Variants in CSGALNACT1 observed in about 807,000 individuals in gnomAD.
CSGALNACT1 encodes the protein chondroitin sulfate N-acetylgalactosaminyltransferase 1.
In CSGALNACT1, 52 loss-of-function variants were observed where a neutral mutation model predicts 51.0. The ratio of observed to expected loss-of-function variants is 1.02; its 90% CI spans 0.82 to 1.29. The LOEUF (loss-of-function observed/expected upper bound fraction) is 1.29, where lower values mean the gene tolerates loss of function less well. CSGALNACT1 is among the 50% of genes most tolerant of loss of function. The pLI is 0.00. For missense variants in CSGALNACT1, 935 were observed against 679.2 expected (o/e 1.38, Z -4.19); for synonymous variants, 341 against 254.4 (o/e 1.34, Z -3.24).
chr8:19,612,789 C>G (rs564371316), intron 1 of CSGALNACT1, among the ~76,000 whole-genome samples: 2 of 151,854 alleles, frequency 1.3e-5, no homozygotes, highest in African/African-American at 4.8e-5. Context: ...TCTCTTTGCA[C>G]TAAAAACACA....
intron 5 of CSGALNACT1, among the ~76,000 whole-genome samples, chr8:19,442,683 A>T (rs2061512726): frequency 6.7e-6 from 1 of 150,220 alleles, no homozygotes; most frequent in Non-Finnish European, 1.5e-5. Flanking sequence ...ACAAACCTGC[A>T]CATTGTGCAC....
intron 1 of CSGALNACT1, among the ~76,000 whole-genome samples, chr8:19,693,165 G>T (rs2061416085): frequency 6.6e-6 from 1 of 152,132 alleles, no homozygotes; most frequent in Non-Finnish European, 1.5e-5. Flanking sequence ...GCTCCAGCTG[G>T]GTTTAAGTGG....
intron 3 of CSGALNACT1, among the ~76,000 whole-genome samples, chr8:19,509,201 A>G (rs952093310): frequency 3.3e-5 from 5 of 152,178 alleles, no homozygotes; most frequent in African/African-American, 1.2e-4. Flanking sequence ...ACGCTTAAAA[A>G]CTGGTTATAC....
Position 19,496,587 on chromosome 8 carries a change from G to A in CSGALNACT1, c.634+8614C>T, listed in dbSNP as rs112082697. 5.1e-3 allele frequency among the ~76,000 whole-genome samples: 777 copies of A among 152,242 alleles called. 4 individuals are homozygous for A. The highest frequency in any genetic ancestry group is 0.018 in the African/African-American group (733 of 41,540). On this transcript the variant is annotated intron_variant, in intron 4 of 9. Transcript: ENST00000454498. Reference sequence around the variant, plus strand: ...AGCTGAAAGAAGCATCCCTTACCACGAAAAAGAACCACATAACCTTAGAAT... The same window carrying A: ...AGCTGAAAGAAGCATCCCTTACCACAAAAAAGAACCACATAACCTTAGAAT...
intron 3 of CSGALNACT1, among the ~76,000 whole-genome samples, chr8:19,508,739 T>G (rs1313020407): frequency 6.6e-6 from 1 of 152,244 alleles, no homozygotes; most frequent in Admixed American, 6.5e-5. Context: ...TTTGTTGTGT[T>G]GTGGAAACTT....
intron 4 of CSGALNACT1, among the ~76,000 whole-genome samples, chr8:19,469,163 A>C (rs1041411848): frequency 7.9e-5 from 12 of 152,290 alleles, no homozygotes; most frequent in Non-Finnish European, 1.8e-4. Context: ...GCTGAGGTGC[A>C]AGGATCACTT....
intron 1 of CSGALNACT1, among the ~76,000 whole-genome samples, chr8:19,609,067 G>C (rs1228395874): frequency 2.0e-5 from 3 of 151,884 alleles, no homozygotes; most frequent in Non-Finnish European, 4.4e-5. Context: ...TTCCAGAAAA[G>C]ACTAACGTTA....
chr8:19,724,772 C>G (rs1235396597), intron 1 of CSGALNACT1, among the ~76,000 whole-genome samples: 2 of 152,206 alleles, frequency 1.3e-5, no homozygotes, highest in Admixed American at 6.5e-5. Flanking sequence ...AGTCCCACAG[C>G]CTTGTGGGTT....
chr8:19,417,302 G>C (rs940985569), intron 8 of CSGALNACT1, among the ~76,000 whole-genome samples: 6 of 152,034 alleles, frequency 3.9e-5, no homozygotes, highest in African/African-American at 1.4e-4. Context: ...AGTAAACCTG[G>C]TGCACCCCAA....
intron 2 of CSGALNACT1, among the ~76,000 whole-genome samples, chr8:19,596,806 G>T (rs923028287): frequency 1.3e-5 from 2 of 152,018 alleles, no homozygotes; most frequent in Non-Finnish European, 1.5e-5. Flanking sequence ...TAGACACTTT[G>T]ACTTTTTATT....
At chr8:19,646,010 C>G (rs1021771943) in intron 1 of CSGALNACT1, among the ~76,000 whole-genome samples, 4 of 152,022 alleles carry the variant, frequency 2.6e-5, no homozygotes, top group Non-Finnish European at 5.9e-5. Context: ...ATACAATAAG[C>G]CTTTTAATTA....
intron 3 of CSGALNACT1, among the ~76,000 whole-genome samples, chr8:19,575,142 G>T (rs1371236552): frequency 6.6e-6 from 1 of 152,122 alleles, no homozygotes; most frequent in Non-Finnish European, 1.5e-5. Context: ...ATTGAATTTG[G>T]ATCTCTAGTG....
intron 1 of CSGALNACT1, among the ~76,000 whole-genome samples, chr8:19,661,147 C>T (rs544410970): frequency 6.6e-6 from 1 of 151,766 alleles, no homozygotes; most frequent in East Asian, 1.9e-4. Context: ...ATCTCCTGAC[C>T]TTGTGATCTG....
At chr8:19,737,314 A>G (rs1242213082) in intron 1 of CSGALNACT1, among the ~76,000 whole-genome samples, 1 of 152,166 alleles carries the variant, frequency 6.6e-6, no homozygotes, top group East Asian at 1.9e-4. Context: ...CTGGGAAAAA[A>G]AAATACATAA....
intron 5 of CSGALNACT1, among the ~76,000 whole-genome samples, chr8:19,441,137 T>C (rs1291259792): frequency 6.6e-6 from 1 of 152,186 alleles, no homozygotes; most frequent in Non-Finnish European, 1.5e-5. Context: ...AAAATGGTCA[T>C]ACTGCCCAAG....
intron 4 of CSGALNACT1, among the ~76,000 whole-genome samples, chr8:19,465,757 C>G (rs1586633359): frequency 6.6e-6 from 1 of 152,268 alleles, no homozygotes; most frequent in South Asian, 2.1e-4. Flanking sequence ...ATCCCCCTGT[C>G]CAGGCTTACC....
intron 1 of CSGALNACT1, among the ~76,000 whole-genome samples, chr8:19,709,186 C>A (rs1301589237): frequency 6.6e-6 from 1 of 152,170 alleles, no homozygotes; most frequent in African/African-American, 2.4e-5. Flanking sequence ...GAGGTGGGTA[C>A]AGCTATGCTG....
chr8:19,473,820 C>T (rs1374267449), intron 4 of CSGALNACT1, among the ~76,000 whole-genome samples: 1 of 152,154 alleles, frequency 6.6e-6, no homozygotes, highest in Non-Finnish European at 1.5e-5. Flanking sequence ...TTCTGTGGAA[C>T]TTCTAAATGA....
intron 6 of CSGALNACT1, 34 bp from the exon 6 acceptor site, chr8:19,420,552 T>G (rs2153697065): frequency 1.2e-6 from 2 of 1,605,244 alleles, no homozygotes; most frequent in Middle Eastern, 3.9e-4. Flanking sequence ...TCACTCACAT[T>G]CCCACATGTT....
Sources: gnomAD v4.1 joint callset for allele counts (sites outside exome capture counted in the v4.1 genomes callset) on GRCh38, gnomAD v4.1.1 for gene constraint, MANE v1.5 for transcripts, NCBI Gene and HGNC (gene_info 2026-07-23, HGNC 2026-07-21) for gene names.